Variants in CA10 observed in about 807,000 individuals in gnomAD.
CA10 encodes the protein carbonic anhydrase-related protein 10.
CA10 carries 14 observed loss-of-function variants against 44.2 expected under a neutral mutation model. That is an observed-to-expected ratio of 0.32 (90% CI 0.21 to 0.50). CA10 has a LOEUF of 0.50. Among genes scored for constraint, CA10 ranks in the 20% least tolerant of loss-of-function variants. CA10 has a pLI of 0.99. For missense variants in CA10, 350 were observed against 409.7 expected, an observed-to-expected ratio of 0.85 and a Z score of 1.26; for synonymous variants, 159 against 141.6, an observed-to-expected ratio of 1.12 and a Z score of -0.87.
At chr17:51,985,976 T>C (rs1050623777) in intron 2 of CA10, among the ~76,000 whole-genome samples, 1 of 152,040 alleles carries the variant, frequency 6.6e-6, no homozygotes, top group Non-Finnish European at 1.5e-5. Flanking sequence ...ACCACCATCA[T>C]TCTTTACAGA....
chr17:51,973,119 C>A (rs2144073158), intron 2 of CA10, among the ~76,000 whole-genome samples: 1 of 152,274 alleles, frequency 6.6e-6, no homozygotes, highest in South Asian at 2.1e-4. Context: ...AATACCAGAT[C>A]AAACTTCCTG....
intron 2 of CA10, among the ~76,000 whole-genome samples, chr17:51,943,696 C>G (rs1598131134): frequency 6.6e-6 from 1 of 152,106 alleles, no homozygotes; most frequent in South Asian, 2.1e-4. Flanking sequence ...ATGGCGGGAT[C>G]CAGAGATTTG....
intron 1 of CA10, among the ~76,000 whole-genome samples, chr17:52,086,265 T>C (rs540678891): frequency 6.6e-4 from 101 of 152,206 alleles, no homozygotes; most frequent in Non-Finnish European, 1.2e-3. Flanking sequence ...CTCAATGGCA[T>C]AGTACAAGTT....
chr17:51,725,177 A>G (rs1321995081), intron 4 of CA10, among the ~76,000 whole-genome samples: 1 of 152,216 alleles, frequency 6.6e-6, no homozygotes, highest in East Asian at 1.9e-4. Context: ...ACAGGACAGG[A>G]CACAAGTTGC....
chr17:51,677,233 C>T (rs984406176), intron 4 of CA10, among the ~76,000 whole-genome samples: 2 of 152,110 alleles, frequency 1.3e-5, no homozygotes, highest in Non-Finnish European at 2.9e-5. Context: ...TAATACTCAG[C>T]GTTGGAGGTG....
At chr17:51,847,748 G>A (rs1978560904) in intron 3 of CA10, among the ~76,000 whole-genome samples, 1 of 152,096 alleles carries the variant, frequency 6.6e-6, no homozygotes, top group Non-Finnish European at 1.5e-5. Context: ...CCTTCCATGG[G>A]TCTCTGTAAC....
At chr17:52,141,210 C>T (rs73987494) in intron 1 of CA10, among the ~76,000 whole-genome samples, 6,887 of 152,190 alleles carry the variant, frequency 0.045, 388 homozygotes, top group Middle Eastern at 0.14. Flanking sequence ...CTACTCTAAG[C>T]TCCTCTGAGA....
chr17:51,808,561 A>G (rs1424246676), intron 3 of CA10, among the ~76,000 whole-genome samples: 1 of 152,178 alleles, frequency 6.6e-6, no homozygotes, highest in Non-Finnish European at 1.5e-5. Context: ...GCTTACTGCT[A>G]TTATTTACAA....
intron 3 of CA10, among the ~76,000 whole-genome samples, chr17:51,771,088 C>T (rs1471621555): frequency 7.2e-6 from 1 of 139,346 alleles, no homozygotes; most frequent in Non-Finnish European, 1.5e-5. Context: ...CGTACCACTG[C>T]TCTCCAGTCT....
chr17:51,693,050 G>A (rs191076340), intron 4 of CA10, among the ~76,000 whole-genome samples: 2 of 152,160 alleles, frequency 1.3e-5, no homozygotes, highest in Non-Finnish European at 2.9e-5. Flanking sequence ...ATTTCCATGG[G>A]TTATAACAGA....
intron 1 of CA10, among the ~76,000 whole-genome samples, chr17:52,131,274 A>G (rs933785314): frequency 3.3e-5 from 5 of 152,252 alleles, no homozygotes; most frequent in Admixed American, 1.3e-4. Flanking sequence ...CTCTTCTAAT[A>G]TATCTGTCAA....
At chr17:51,840,310 T>A (rs931436724) in intron 3 of CA10, among the ~76,000 whole-genome samples, 18 of 152,222 alleles carry the variant, frequency 1.2e-4, no homozygotes, top group African/African-American at 4.3e-4. Context: ...TTTACTGAGT[T>A]TGTTGCCTTT....
At chr17:51,897,097 G>T (rs557307876) in intron 3 of CA10, among the ~76,000 whole-genome samples, 20 of 152,084 alleles carry the variant, frequency 1.3e-4, no homozygotes, top group African/African-American at 4.3e-4. Context: ...TGTCAATTTT[G>T]TTGCTGTTGC....
intron 4 of CA10, among the ~76,000 whole-genome samples, chr17:51,690,809 TA>T (rs1221539173): frequency 8.5e-5 from 13 of 152,330 alleles, no homozygotes; most frequent in Admixed American, 6.5e-4. Context: ...AATGGACTAA[TA>T]CAACATGTAA....
intron 3 of CA10, among the ~76,000 whole-genome samples, chr17:51,806,462 T>C (rs565953063): frequency 7.1e-4 from 108 of 152,300 alleles, no homozygotes; most frequent in Non-Finnish European, 1.2e-3. Context: ...GTTTGGTGGA[T>C]TGCATGGGGA....
At chr17:51,642,679 G>A (rs1032536485) in intron 6 of CA10, among the ~76,000 whole-genome samples, 2 of 151,740 alleles carry the variant, frequency 1.3e-5, no homozygotes, top group African/African-American at 4.8e-5. Context: ...GTCTTGCTCT[G>A]TCGCCCAGGC....
chr17:51,644,862 G>A (rs908952950), intron 6 of CA10, among the ~76,000 whole-genome samples: 5 of 142,138 alleles, frequency 3.5e-5, no homozygotes, highest in Non-Finnish European at 7.5e-5. Flanking sequence ...GCAATGGTAC[G>A]ATCTCAGCTC....
At chr17:51,915,496 C>A (rs1002723633) in intron 3 of CA10, among the ~76,000 whole-genome samples, 18 of 152,176 alleles carry the variant, frequency 1.2e-4, no homozygotes, top group Non-Finnish European at 2.5e-4. Context: ...CTTCACAATT[C>A]TTTTAATTTT....
intron 1 of CA10, among the ~76,000 whole-genome samples, chr17:52,078,876 T>A (rs1270731521): frequency 6.6e-6 from 1 of 152,230 alleles, no homozygotes; most frequent in African/African-American, 2.4e-5. Context: ...ACTCTCTGTA[T>A]TATGTGTGGT....
Sources: gnomAD v4.1 joint callset for allele counts (sites outside exome capture counted in the v4.1 genomes callset) on GRCh38, gnomAD v4.1.1 for gene constraint, MANE v1.5 for transcripts, NCBI Gene and HGNC (gene_info 2026-07-23, HGNC 2026-07-21) for gene names.